Variants in RAD51B observed in about 807,000 individuals in gnomAD.
RAD51B encodes RAD51 paralog B, also known as DNA repair protein RAD51 homolog 2.
In RAD51B, 38 loss-of-function variants were observed where a neutral mutation model predicts 42.2. That is an observed-to-expected ratio of 0.90 (90% CI 0.70 to 1.18). The LOEUF (loss-of-function observed/expected upper bound fraction) is 1.18. Ranked by LOEUF, RAD51B falls within the 50% of genes most tolerant of loss-of-function variation. The pLI is 0.00. For missense variants in RAD51B, 373 were observed against 400.7 expected (o/e 0.93, Z 0.59); for synonymous variants, 154 against 145.2 (o/e 1.06, Z -0.43).
chr14:68,292,685 C>T (rs2081538627), intron 8 of RAD51B, among the ~76,000 whole-genome samples: 1 of 152,182 alleles, frequency 6.6e-6, no homozygotes, highest in African/African-American at 2.4e-5. Context: ...TCCCTTTCCA[C>T]TTTCTGAGAA....
At chr14:68,520,162 A>G (rs1030465921) in intron 10 of RAD51B, among the ~76,000 whole-genome samples, 2 of 152,172 alleles carry the variant, frequency 1.3e-5, no homozygotes, top group Non-Finnish European at 2.9e-5. Flanking sequence ...ACAATGCAGT[A>G]TTTTTTCCAC....
At chr14:68,064,417 G>A (rs763197813) in intron 7 of RAD51B, among the ~76,000 whole-genome samples, 1 of 152,108 alleles carries the variant, frequency 6.6e-6, no homozygotes, top group Non-Finnish European at 1.5e-5. Flanking sequence ...TGACTATAAT[G>A]TGCCTCGGAG....
intron 7 of RAD51B, among the ~76,000 whole-genome samples, chr14:68,165,030 A>G (rs1465319079): frequency 2.0e-5 from 3 of 152,228 alleles, no homozygotes; most frequent in Non-Finnish European, 4.4e-5. Context: ...GACAAAGTAA[A>G]CAAATCTGGT....
Position 68,286,329 on chromosome 14 carries a change from C to T in RAD51B, c.757-5555C>T, listed in dbSNP as rs3784100. Among the ~76,000 whole-genome samples the T allele has an allele frequency of 1.0e-2, 1,521 of 152,270 alleles. 30 individuals carry two copies. Among genetic ancestry groups the T allele is most frequent in the East Asian group, 0.057 (297 of 5,188 alleles). On this transcript the variant is annotated intron_variant, in intron 7 of 10. Transcript: ENST00000471583. ...GCCCCCACAGAAATCTCAGTGATGG[C>T]GTTTGTCAGATTCTTGGGTCCTTAA...
At position 68,544,947 on chromosome 14, in the gene RAD51B, G is replaced by A. The variant is rs140804980; in HGVS notation, c.1037-49538G>A. On this transcript the variant is annotated intron_variant, in intron 10 of 10. Coordinates refer to the RAD51B transcript ENST00000487270. ...TGTGTTCAATTATTGTGGGCTTAGG[G>A]AATAGTAATTAAGGAGTTCCAGGGA... 1.8e-3 allele frequency among the ~76,000 whole-genome samples: 277 copies of A among 152,338 alleles called. 1 individual carries two copies. The highest frequency in any genetic ancestry group is 6.2e-3 in the African/African-American group (259 of 41,570).
chr14:67,990,287 G>A (rs759775697), intron 7 of RAD51B, among the ~76,000 whole-genome samples: 42 of 152,228 alleles, frequency 2.8e-4, no homozygotes, highest in Admixed American at 1.9e-3. Flanking sequence ...AAGCCACCAC[G>A]CCTGGCCATT....
At chr14:68,435,542 A>G (rs540428477) in intron 9 of RAD51B, among the ~76,000 whole-genome samples, 39 of 141,812 alleles carry the variant, frequency 2.8e-4, no homozygotes, top group Middle Eastern at 4.0e-3. Context: ...TTGGGTATAT[A>G]CCCAGCAATG....
At chr14:68,667,289 A>G (rs1458076332) in intron 11 of RAD51B, among the ~76,000 whole-genome samples, 7 of 152,366 alleles carry the variant, frequency 4.6e-5, no homozygotes, top group African/African-American at 1.7e-4. Flanking sequence ...AAACTCAGGC[A>G]GAATTTCTGT....
chr14:68,407,379 C>T (rs11158736), intron 8 of RAD51B, among the ~76,000 whole-genome samples: 37,696 of 152,058 alleles, frequency 0.25, 5,205 homozygotes, highest in East Asian at 0.44. Context: ...CTATGCATAA[C>T]TGTATGTGCT....
At chr14:68,135,763 GC>G (rs2077994493) in intron 7 of RAD51B, among the ~76,000 whole-genome samples, 4 of 152,258 alleles carry the variant, frequency 2.6e-5, no homozygotes, top group African/African-American at 7.2e-5. Context: ...ATACTTACAA[GC>G]ATGCACAGGA....
chr14:68,397,846 T>C (rs912716745), intron 8 of RAD51B, among the ~76,000 whole-genome samples: 1 of 152,238 alleles, frequency 6.6e-6, no homozygotes, highest in Non-Finnish European at 1.5e-5. Context: ...TCTAAAATTC[T>C]GGGAGCAAAG....
Position 67,949,723 on chromosome 14 carries a change from C to T in RAD51B, c.756+62519C>T, listed in dbSNP as rs180773002. On this transcript the variant is annotated intron_variant, in intron 7 of 10. Coordinates refer to ENST00000471583, the MANE Select transcript of RAD51B (RefSeq NM_133510.4). ...GAATCACAATCTATGGCAGAAATAG[C>T]ATTACGAAATGTATGTCTTAAATAG... Among the ~76,000 whole-genome samples the T allele has an allele frequency of 3.3e-5, 5 of 152,222 alleles. No homozygotes were observed. In the East Asian group the frequency reaches 9.6e-4, roughly 29 times the overall value.
chr14:68,328,680 C>T (rs879148804), intron 8 of RAD51B, among the ~76,000 whole-genome samples: 2 of 152,102 alleles, frequency 1.3e-5, no homozygotes, highest in South Asian at 2.1e-4. Flanking sequence ...TCAGACCAAA[C>T]GAGTTTCAGT....
At chr14:68,176,653 A>T (rs1455886422) in intron 7 of RAD51B, among the ~76,000 whole-genome samples, 1 of 152,208 alleles carries the variant, frequency 6.6e-6, no homozygotes, top group East Asian at 1.9e-4. Flanking sequence ...ACATTGCATT[A>T]ATCTACAGCA....
chr14:68,423,180 T>C (rs536391328), intron 9 of RAD51B, among the ~76,000 whole-genome samples: 1 of 152,152 alleles, frequency 6.6e-6, no homozygotes, highest in South Asian at 2.1e-4. Flanking sequence ...AATGAAAGAG[T>C]GAACTGGGAT....
chr14:68,090,383 G>T (rs1332157994), intron 7 of RAD51B, among the ~76,000 whole-genome samples: 2 of 152,166 alleles, frequency 1.3e-5, no homozygotes, highest in South Asian at 2.1e-4. Context: ...AACAGGTTAA[G>T]ATTAGCTTTT....
At chr14:68,338,783 G>A in intron 8 of RAD51B, 1 of 539,550 alleles carries the variant, frequency 1.9e-6, no homozygotes, top group East Asian at 4.4e-5. Flanking sequence ...GCTTGATAAT[G>A]TGAGCTACAG....
At chr14:68,261,787 C>A (rs184563292) in intron 7 of RAD51B, among the ~76,000 whole-genome samples, 1 of 151,144 alleles carries the variant, frequency 6.6e-6, no homozygotes, top group Admixed American at 6.6e-5. Flanking sequence ...CTCACATTCA[C>A]CCCTTGCCCC....
At chr14:68,491,827 T>TATAGAC (rs1371523302) in intron 10 of RAD51B, among the ~76,000 whole-genome samples, 16 of 152,170 alleles carry the variant, frequency 1.1e-4, no homozygotes, top group African/African-American at 3.6e-4. Flanking sequence ...TAAGCCTGAG[T>TATAGAC]CTATGACCTC....
Sources: gnomAD v4.1 joint callset for allele counts (sites outside exome capture counted in the v4.1 genomes callset) on GRCh38, gnomAD v4.1.1 for gene constraint, MANE v1.5 for transcripts, NCBI Gene and HGNC (gene_info 2026-07-23, HGNC 2026-07-21) for gene names.